CCDC88A: variants seen among roughly 807,000 people sequenced by gnomAD.
CCDC88A encodes coiled-coil and HOOK domain protein 88A.
In CCDC88A, 54 loss-of-function variants were observed where a neutral mutation model predicts 234.3. The observed-to-expected ratio is 0.23, with a 90% CI of 0.19 to 0.29. CCDC88A has a LOEUF of 0.29. Ranked by LOEUF, CCDC88A falls within the 10% of genes least tolerant of loss-of-function variation. The pLI is 1.00. For missense variants in CCDC88A, 1,832 were observed against 2,123.4 expected (o/e 0.86, Z 2.70); for synonymous variants, 753 against 737.8 (o/e 1.02, Z -0.33).
intron 4 of CCDC88A, among the ~76,000 whole-genome samples, chr2:55,374,290 C>A (rs1673266053): frequency 6.6e-6 from 1 of 152,104 alleles, no homozygotes; most frequent in African/African-American, 2.4e-5. Flanking sequence ...ATCGCTTGAA[C>A]CCAGGAGGTT....
In CCDC88A at chr2:55,288,888, T is replaced by C. The variant is rs1679247392; in HGVS notation, c.*2312A>G. The stretch of plus-strand genomic sequence containing the variant: ...TGTTTAGGGGAGAAGAGTGGCTTCC[T>C]ACAAAGTTTGCTTCTCAAGGTATAC... On this transcript the variant is annotated 3_prime_UTR_variant, in exon 33 of 33. Coordinates refer to ENST00000436346, the MANE Select transcript of CCDC88A (RefSeq NM_001365480.1). 1 of 152,214 alleles carries C rather than the reference T, an allele frequency of 6.6e-6. No individual in the cohort carries two copies. Among genetic ancestry groups the C allele is most frequent in the South Asian group, 2.1e-4 (1 of 4,834 alleles). The allele number at this position is 152,214 out of a possible 1,614,324, so 9.4% of individuals were successfully genotyped here. A position where few individuals can be genotyped will look rare whatever the true frequency, so the allele number is the denominator to read the frequency against.
chr2:55,382,682 A>C (rs1429110201), intron 3 of CCDC88A, among the ~76,000 whole-genome samples: 1 of 152,180 alleles, frequency 6.6e-6, no homozygotes, highest in Non-Finnish European at 1.5e-5. Flanking sequence ...AAACTTTTGA[A>C]TACTCATTTG....
chr2:55,301,634 C>G (rs1357520169), intron 27 of CCDC88A: 1 of 561,360 alleles, frequency 1.8e-6, no homozygotes, highest in Non-Finnish European at 3.1e-6. Context: ...GTTTACTTCT[C>G]GTTTTCTTGT....
At position 55,309,347 on chromosome 2, in the gene CCDC88A, C is replaced by G. The variant is rs1301922185; in HGVS notation, c.4080-93G>C. The G allele has an allele frequency of 1.8e-6, 1 of 560,336 alleles. No homozygotes were observed. Among genetic ancestry groups the G allele is most frequent in the African/African-American group, 2.0e-5 (1 of 51,172 alleles). The allele number at this position is 560,336 out of a possible 1,614,324, so 34.7% of individuals were successfully genotyped here. A position where few individuals can be genotyped will look rare whatever the true frequency, so the allele number is the denominator to read the frequency against. On this transcript the variant is annotated intron_variant, in intron 23 of 32. Transcript: ENST00000436346. The surrounding 1 kb of genome is among the most constrained non-coding windows in gnomAD (Gnocchi z 5.1). ...TGGTGACTGTGATCTAATGTCTCCC[C>G]AAAACATAAAAAAATACAGATACCA...
chr2:55,388,100 T>C (rs774155763), intron 3 of CCDC88A, among the ~76,000 whole-genome samples: 3 of 152,104 alleles, frequency 2.0e-5, no homozygotes, highest in Non-Finnish European at 4.4e-5. Flanking sequence ...CAAGCACACA[T>C]AGAACTTTAA....
rs1477308685 is a variant in CCDC88A, at chr2:55,317,255, G to A, written c.3697C>T (p.His1233Tyr). ...TTGTATTCTGCAGCTACTGTTTCAT[G>A]ATTTTTATTTTCAAGCAGCATTTTT... ...QEKMLLENKN[H>Y]ETVAAEYKKL... The change falls in exon 21 of 33, where the codon CAT (histidine) becomes TAT (tyrosine). Residue 1233 changes from histidine to tyrosine, a missense_variant. Physicochemically the swap from His to Tyr is moderately conservative, Grantham distance 83. Transcript: ENST00000436346. The surrounding 1 kb of genome is among the most constrained non-coding windows in gnomAD (Gnocchi z 4.2). 2 of 1,552,910 alleles carry A rather than the reference G, an allele frequency of 1.3e-6. No individual in the cohort carries two copies. The highest frequency in any genetic ancestry group is 2.3e-5 in the East Asian group (1 of 43,444).
chr2:55,382,014 A>C (rs1674682416), intron 3 of CCDC88A, among the ~76,000 whole-genome samples: 1 of 152,242 alleles, frequency 6.6e-6, no homozygotes, highest in South Asian at 2.1e-4. Context: ...AAGAGAATTA[A>C]GCCTATTTTA....
chr2:55,388,124 C>G (rs1362750248), intron 3 of CCDC88A, among the ~76,000 whole-genome samples: 2 of 152,072 alleles, frequency 1.3e-5, no homozygotes, highest in East Asian at 3.9e-4. Context: ...AAACTGACAA[C>G]GACATACTAG....
At chr2:55,385,579 G>A (rs529510558) in intron 3 of CCDC88A, among the ~76,000 whole-genome samples, 9 of 152,154 alleles carry the variant, frequency 5.9e-5, no homozygotes, top group East Asian at 3.9e-4. Flanking sequence ...CTAGCCGGGC[G>A]CGGTGGCTCA....
At chr2:55,375,007 G>GA in intron 3 of CCDC88A, 124 bp from the exon 4 acceptor site, 1 of 562,962 alleles carries the variant, frequency 1.8e-6, no homozygotes. Context: ...AACAAATATG[G>GA]AAAAAGTTAT....
chr2:55,362,936 T>C (rs1671506723), intron 6 of CCDC88A, among the ~76,000 whole-genome samples: 1 of 151,970 alleles, frequency 6.6e-6, no homozygotes, highest in African/African-American at 2.4e-5. Context: ...TATAAAGATC[T>C]TGAAAAGAAT....
intron 5 of CCDC88A, among the ~76,000 whole-genome samples, chr2:55,366,709 T>C (rs939113220): frequency 6.6e-6 from 1 of 152,154 alleles, no homozygotes; most frequent in Non-Finnish European, 1.5e-5. Flanking sequence ...CTTAATACTT[T>C]ATTCCTCAAA....
At chr2:55,387,404 A>C (rs764071559) in intron 3 of CCDC88A, among the ~76,000 whole-genome samples, 4 of 152,088 alleles carry the variant, frequency 2.6e-5, no homozygotes, top group Non-Finnish European at 5.9e-5. Context: ...TTAGGTATAA[A>C]ATGTATGATT....
intron 25 of CCDC88A, among the ~76,000 whole-genome samples, chr2:55,307,400 C>T (rs1434184109): frequency 2.7e-5 from 4 of 147,804 alleles, no homozygotes; most frequent in Non-Finnish European, 4.4e-5. Context: ...ACTCTTGTTG[C>T]CCAGGCTGGA....
intron 2 of CCDC88A, among the ~76,000 whole-genome samples, chr2:55,411,723 T>C (rs1262556228): frequency 5.1e-5 from 7 of 136,614 alleles, no homozygotes; most frequent in Non-Finnish European, 1.1e-4. Flanking sequence ...GAGGTTGCAG[T>C]GAGCCGAGAT....
intron 12 of CCDC88A, among the ~76,000 whole-genome samples, chr2:55,341,008 A>G (rs926703903): frequency 1.3e-4 from 20 of 152,004 alleles, no homozygotes; most frequent in African/African-American, 2.4e-4. Flanking sequence ...CTCTGTTTCT[A>G]TGAGTCTGAA....
chr2:55,355,575 T>C lies in CCDC88A; in HGVS notation c.800+4A>G, dbSNP rs779715425. The C allele has an allele frequency of 6.2e-7, 1 of 1,613,648 alleles. No homozygotes were observed. On this transcript the variant is annotated splice_donor_region_variant and intron_variant, in intron 8 of 32. Coordinates refer to ENST00000436346, the MANE Select transcript of CCDC88A (RefSeq NM_001365480.1). Reference sequence around the variant, plus strand: ...TCAATGAACCTCAAAAATCAGCAACTTACAATTCCTGCCTAAGCCTTCTTA... The same window carrying C: ...TCAATGAACCTCAAAAATCAGCAACCTACAATTCCTGCCTAAGCCTTCTTA...
chr2:55,293,024 G>T lies in CCDC88A; in HGVS notation c.5552-1249C>A, dbSNP rs2920972. 9 of 151,006 alleles carry T rather than the reference G, an allele frequency of 6.0e-5. 1 individual carries two copies. Among genetic ancestry groups the T allele is most frequent in the African/African-American group, 2.2e-4 (9 of 41,110 alleles). 9.4% of individuals were successfully genotyped at this position (151,006 alleles called of 1,614,324 possible). A position where few individuals can be genotyped will look rare whatever the true frequency, so the allele number is the denominator to read the frequency against. On this transcript the variant is annotated intron_variant, in intron 31 of 32. Transcript: ENST00000436346. ...GCACAGTGTATTTTTTTTTTTTTTG[G>T]AAACATGCTGCATATAAACATATAG...
rs767311287 is a variant in CCDC88A at position 55,364,045 on chromosome 2, G to C, written c.403-12C>G. On this transcript the variant is annotated splice_polypyrimidine_tract_variant and intron_variant, in intron 5 of 32. Transcript: ENST00000436346. ...TCTTTTTTCTGACACTAAAATAAATGAATAAAATAGTTATTCATACTTTAT... is the reference window on the plus strand; with the variant it reads ...TCTTTTTTCTGACACTAAAATAAATCAATAAAATAGTTATTCATACTTTAT... 9 of 1,281,150 alleles carry C rather than the reference G, an allele frequency of 7.0e-6. No individual in the cohort carries two copies. In the Admixed American group the frequency reaches 1.6e-4, roughly 23 times the overall value. The allele number at this position is 1,281,150 out of a possible 1,614,324, so 79.4% of individuals were successfully genotyped here.
Sources: gnomAD v4.1 joint callset for allele counts (sites outside exome capture counted in the v4.1 genomes callset) on GRCh38, gnomAD v4.1.1 for gene constraint, Gnocchi (gnomAD v3.1) non-coding constraint, MANE v1.5 for transcripts, NCBI Gene and HGNC (gene_info 2026-07-23, HGNC 2026-07-21) for gene names.